STXBP4: variants seen among roughly 807,000 people sequenced by gnomAD.
The protein encoded by STXBP4 is syntaxin binding protein 4, also known as syntaxin-binding protein 4.
A neutral mutation model predicts 76.1 loss-of-function variants in STXBP4; 55 were observed. That is an observed-to-expected ratio of 0.72 (90% confidence interval 0.58 to 0.91). The LOEUF (loss-of-function observed/expected upper bound fraction) is 0.91. Among genes scored for constraint, STXBP4 ranks in the 40% least tolerant of loss-of-function variants. STXBP4 has a pLI of 0.00. For synonymous variants in STXBP4, 201 were observed against 220.2 expected, an observed-to-expected ratio of 0.91 and a Z score of 0.77; for missense variants, 618 against 636.9, an observed-to-expected ratio of 0.97 and a Z score of 0.32.
intron 3 of STXBP4, among the ~76,000 whole-genome samples, chr17:54,988,724 A>G (rs917407777): frequency 6.6e-6 from 1 of 152,142 alleles, no homozygotes; most frequent in Non-Finnish European, 1.5e-5. Context: ...CAGTAAGCTG[A>G]GATCACGCCA....
intron 12 of STXBP4, among the ~76,000 whole-genome samples, chr17:55,049,872 T>A (rs2078836708): frequency 6.6e-6 from 1 of 152,044 alleles, no homozygotes; most frequent in Non-Finnish European, 1.5e-5. Flanking sequence ...ATCAAGAAAC[T>A]ATTCTAGATA....
intron 16 of STXBP4, among the ~76,000 whole-genome samples, chr17:55,132,670 G>A (rs1284546811): frequency 6.6e-6 from 1 of 152,158 alleles, no homozygotes; most frequent in African/African-American, 2.4e-5. Flanking sequence ...AGCAATGAAT[G>A]AACAGTACCT....
At position 55,171,652 on chromosome 17, in the gene STXBP4, G is replaced by C. The variant is rs946889437; in HGVS notation, c.*11741G>C. On this transcript the variant is annotated 3_prime_UTR_variant, in exon 18 of 18. Coordinates refer to ENST00000376352, the MANE Select transcript of STXBP4 (RefSeq NM_178509.6). ...GTACATGGAAACTGACTGCTCTCAT[G>C]TTACGGGTTGAACTGTGTCCCCCCA... is the stretch of plus-strand genomic sequence containing the variant. 1 of 152,208 alleles carries C rather than the reference G, an allele frequency of 6.6e-6. No homozygotes were observed. Among genetic ancestry groups the C allele is most frequent in the Non-Finnish European group, 1.5e-5 (1 of 68,060 alleles). The allele number at this position is 152,208 out of a possible 1,614,324, so 9.4% of individuals were successfully genotyped here.
At chr17:55,118,589 C>A (rs537034953) in intron 16 of STXBP4, among the ~76,000 whole-genome samples, 1 of 151,866 alleles carries the variant, frequency 6.6e-6, no homozygotes, top group Admixed American at 6.6e-5. Context: ...ATGTAAGAAT[C>A]TTTAGCATAT....
the STXBP4 span, among the ~76,000 whole-genome samples, chr17:55,197,567 T>C: frequency 6.6e-6 from 1 of 151,808 alleles, no homozygotes; most frequent in East Asian, 2.0e-4. Context: ...CACGGTGAAA[T>C]CCTGTTTCTA....
downstream of STXBP4, among the ~76,000 whole-genome samples, chr17:55,176,656 C>A (rs923172261): frequency 9.9e-5 from 15 of 152,122 alleles, no homozygotes; most frequent in Admixed American, 8.5e-4. Flanking sequence ...GAGGGATACC[C>A]AGATAGCTAG....
At chr17:55,131,449 G>A (rs1598338809) in intron 16 of STXBP4, among the ~76,000 whole-genome samples, 1 of 152,156 alleles carries the variant, frequency 6.6e-6, no homozygotes, top group Non-Finnish European at 1.5e-5. Flanking sequence ...TTTGAATCTA[G>A]CATTTTGACT....
the STXBP4 span, among the ~76,000 whole-genome samples, chr17:55,178,852 G>A: frequency 2.6e-5 from 4 of 152,268 alleles, no homozygotes; most frequent in Middle Eastern, 3.4e-3. Flanking sequence ...ACCTTCAATG[G>A]AGGAAGAGGC....
At chr17:55,117,011 C>A (rs1403852309) in intron 16 of STXBP4, among the ~76,000 whole-genome samples, 1 of 151,688 alleles carries the variant, frequency 6.6e-6, no homozygotes, top group African/African-American at 2.4e-5. Flanking sequence ...AATTAAGAAT[C>A]TTTCTAGAAG....
chr17:55,155,465 T>C (rs1377369317), intron 17 of STXBP4, among the ~76,000 whole-genome samples: 3 of 151,966 alleles, frequency 2.0e-5, no homozygotes, highest in African/African-American at 4.8e-5. Context: ...TACTTATTTG[T>C]CTTTGTTTTC....
chr17:54,993,628 T>C (rs2077753500), intron 4 of STXBP4, among the ~76,000 whole-genome samples: 1 of 152,218 alleles, frequency 6.6e-6, no homozygotes, highest in Admixed American at 6.5e-5. Context: ...TTTACTATAT[T>C]CTAAATACTG....
At chr17:55,097,847 A>G (rs2079511465) in intron 16 of STXBP4, among the ~76,000 whole-genome samples, 3 of 152,190 alleles carry the variant, frequency 2.0e-5, no homozygotes, top group Admixed American at 2.0e-4. Context: ...GGCTTTGAGA[A>G]TTCTATAAGC....
chr17:55,075,838 C>T (rs933887648), intron 13 of STXBP4, among the ~76,000 whole-genome samples: 2 of 152,256 alleles, frequency 1.3e-5, no homozygotes, highest in Admixed American at 6.5e-5. Context: ...CTCTTCTCAA[C>T]TCAATGTACA....
intron 4 of STXBP4, among the ~76,000 whole-genome samples, chr17:54,996,479 A>G (rs1366999692): frequency 6.6e-6 from 1 of 152,104 alleles, no homozygotes; most frequent in East Asian, 1.9e-4. Context: ...AATGAGTAAT[A>G]TAATTAAATT....
intron 16 of STXBP4, among the ~76,000 whole-genome samples, chr17:55,088,235 T>C (rs181165555): frequency 2.3e-4 from 35 of 152,338 alleles, no homozygotes; most frequent in Admixed American, 2.0e-3. Context: ...CCTCATTTTC[T>C]TTCTTTGCCT....
chr17:55,073,012 G>C lies in STXBP4; in HGVS notation c.1124G>C (p.Arg375Pro), dbSNP rs770185487. The change falls in exon 13 of 18, where the codon CGT (arginine) becomes CCT (proline). Residue 375 changes from arginine (R) to proline (P), a missense_variant. By Grantham distance (103) the Arg-to-Pro change is moderately radical. Coordinates refer to ENST00000376352, the MANE Select transcript of STXBP4 (RefSeq NM_178509.6). Reference sequence around the variant, plus strand: ...GAAATGGACTATGAAGAAGTGATCCGTCTGTTAGAGGCCAAGATTACAGAG... The same window carrying C: ...GAAATGGACTATGAAGAAGTGATCCCTCTGTTAGAGGCCAAGATTACAGAG... ...GMEMDYEEVI[R>P]LLEAKITELK... The C allele has an allele frequency of 1.2e-6, 2 of 1,613,966 alleles. No homozygotes were observed. The highest frequency in any genetic ancestry group is 1.7e-6 in the Non-Finnish European group (2 of 1,179,890).
intron 15 of STXBP4, among the ~76,000 whole-genome samples, chr17:55,079,991 G>A (rs369014631): frequency 2.6e-5 from 4 of 152,040 alleles, no homozygotes; most frequent in Non-Finnish European, 5.9e-5. Flanking sequence ...TGAATTTCAT[G>A]ATTATTACTC....
chr17:55,065,987 G>T (rs192240253), intron 12 of STXBP4, among the ~76,000 whole-genome samples: 14 of 152,108 alleles, frequency 9.2e-5, no homozygotes, highest in Non-Finnish European at 1.6e-4. Flanking sequence ...TTTGCAAAAT[G>T]AGCATGGATT....
chr17:55,039,567 G>T (rs902663607), intron 10 of STXBP4, among the ~76,000 whole-genome samples: 4 of 151,950 alleles, frequency 2.6e-5, no homozygotes, highest in Non-Finnish European at 4.4e-5. Context: ...GAGGACTATA[G>T]AAATAATCCA....
Sources: gnomAD v4.1 joint callset for allele counts (sites outside exome capture counted in the v4.1 genomes callset) on GRCh38, gnomAD v4.1.1 for gene constraint, MANE v1.5 for transcripts, NCBI Gene and HGNC (gene_info 2026-07-23, HGNC 2026-07-21) for gene names.